Variants in KLHL13 observed in about 807,000 individuals in gnomAD.
The protein encoded by KLHL13 is kelch like family member 13.
Under a neutral mutation model 37.1 loss-of-function variants are expected in KLHL13, and 10 were observed. The observed-to-expected ratio is 0.27, with a 90% CI of 0.17 to 0.46. KLHL13 has a LOEUF of 0.46. KLHL13 is among the 20% of genes least tolerant of loss of function. The pLI, the probability that KLHL13 is intolerant of heterozygous loss-of-function variation, is 1.00. For synonymous variants in KLHL13, 163 were observed against 181.2 expected (o/e 0.90, Z 0.81); for missense variants, 360 against 509.3 (o/e 0.71, Z 2.82).
intron 1 of KLHL13, among the ~76,000 whole-genome samples, chrX:117,955,246 C>T (rs1451866649): frequency 8.9e-6 from 1 of 111,782 alleles, no homozygotes; most frequent in Non-Finnish European, 1.9e-5. Flanking sequence ...AAAATCCTAT[C>T]CTTTCCTGAA....
At chrX:118,094,542 T>C (rs1206066907) in intron 1 of KLHL13, among the ~76,000 whole-genome samples, 1 of 109,330 alleles carries the variant, frequency 9.1e-6, no homozygotes, top group African/African-American at 3.3e-5. Context: ...ACAGAGAACG[T>C]CACAAAGATA....
chrX:118,059,462 G>A (rs1160870170), intron 1 of KLHL13, among the ~76,000 whole-genome samples: 3 of 111,120 alleles, frequency 2.7e-5, no homozygotes, highest in Non-Finnish European at 1.9e-5. Context: ...TGCTATCAAC[G>A]TATAAGGGAG....
At chrX:117,973,064 A>C in exon 1 of KLHL13, 2 of 1,023,978 alleles carry the variant, frequency 2.0e-6, no homozygotes, top group Non-Finnish European at 2.5e-6. Flanking sequence ...CAACTCAACA[A>C]TAGTGCCAGA....
chrX:117,959,785 T>C (rs2053260839), intron 1 of KLHL13, among the ~76,000 whole-genome samples: 1 of 111,767 alleles, frequency 8.9e-6, no homozygotes, highest in Non-Finnish European at 1.9e-5. Flanking sequence ...TGAAAAGCTC[T>C]ATATTTTTGA....
At chrX:118,048,912 T>C (rs1272064027) in intron 1 of KLHL13, among the ~76,000 whole-genome samples, 4 of 112,005 alleles carry the variant, frequency 3.6e-5, no homozygotes, top group Non-Finnish European at 7.5e-5. Flanking sequence ...CTGCTTATGA[T>C]AGTTGAGATA....
rs7471121 is a variant in KLHL13, at chrX:118,089,620, G to A, written c.-56+26888C>T. Among the ~76,000 whole-genome samples, 97 of 71,908 alleles carry A rather than the reference G, an allele frequency of 1.3e-3. 1 individual carries two copies. The highest frequency in any genetic ancestry group is 3.2e-3 in the African/African-American group (56 of 17,290). 62.4% of individuals were successfully genotyped at this position (71,908 alleles called of 115,157 possible). ...AGAGAGAGAGAGAGAGAGAAAGAAA[G>A]AGAAAGAAAGAAAGAAAGAAAGAAA... On this transcript the variant is annotated intron_variant, in intron 1 of 6. Coordinates refer to the KLHL13 transcript ENST00000371882.
chrX:118,042,142 C>G (rs1453249738), intron 1 of KLHL13, among the ~76,000 whole-genome samples: 3 of 111,622 alleles, frequency 2.7e-5, no homozygotes, highest in Non-Finnish European at 3.8e-5. Context: ...GGGGTCAAGT[C>G]AGCCAGAGGA....
chrX:117,975,551 T>G (rs762973247), upstream of KLHL13, among the ~76,000 whole-genome samples: 3 of 111,587 alleles, frequency 2.7e-5, no homozygotes, highest in Non-Finnish European at 5.7e-5. Context: ...CCACCATGCC[T>G]GGCTAATTTT....
At position 118,104,048 on chromosome X, in the gene KLHL13, T is replaced by TAAAAAAAAAAA. The variant is rs60645250; in HGVS notation, c.-56+12449_-56+12459dup. Among the ~76,000 whole-genome samples, 213 of 42,549 alleles carry TAAAAAAAAAAA rather than the reference T, an allele frequency of 5.0e-3. 13 individuals carry two copies. The highest frequency in any genetic ancestry group is 0.018 in the African/African-American group (205 of 11,168). 36.9% of individuals were successfully genotyped at this position (42,549 alleles called of 115,157 possible). A position where few individuals can be genotyped will look rare whatever the true frequency, so the allele number is the denominator to read the frequency against. On this transcript the variant is annotated intron_variant, in intron 1 of 6. Transcript: ENST00000371882. The stretch of plus-strand genomic sequence containing the variant: ...CAACATACCGAGGCCTCATTTCCAC[T>TAAAAAAAAAAA]AAAAAAAAAAAAAAAAAAAAAAAAA...
intron 1 of KLHL13, among the ~76,000 whole-genome samples, chrX:118,000,962 A>T (rs1031459078): frequency 2.7e-5 from 3 of 112,272 alleles, no homozygotes; most frequent in Non-Finnish European, 5.6e-5. Flanking sequence ...ATAAAGATAC[A>T]GATACAGTCC....
intron 1 of KLHL13, among the ~76,000 whole-genome samples, chrX:117,958,036 G>A (rs1236135734): frequency 9.0e-6 from 1 of 111,486 alleles, no homozygotes; most frequent in African/African-American, 3.3e-5. Context: ...GTCTGTGCCA[G>A]TATCATGGTA....
intron 1 of KLHL13, among the ~76,000 whole-genome samples, chrX:117,987,703 T>G (rs894477435): frequency 1.6e-4 from 18 of 112,373 alleles, no homozygotes; most frequent in African/African-American, 5.5e-4. Context: ...AACTGTTTTA[T>G]GTTAAAATGG....
intron 5 of KLHL13, among the ~76,000 whole-genome samples, chrX:117,909,067 G>C (rs1282332919): frequency 8.9e-6 from 1 of 111,955 alleles, no homozygotes; most frequent in African/African-American, 3.2e-5. Flanking sequence ...TACTGCACAG[G>C]TGAAATATGC....
chrX:117,986,024 T>C (rs1417999863), intron 1 of KLHL13, among the ~76,000 whole-genome samples: 2 of 111,701 alleles, frequency 1.8e-5, no homozygotes, highest in Non-Finnish European at 3.8e-5. Context: ...ATGTATTTAT[T>C]GAATTGGCTA....
At chrX:118,088,062 G>A (rs778027617) in intron 1 of KLHL13, among the ~76,000 whole-genome samples, 1 of 112,037 alleles carries the variant, frequency 8.9e-6, no homozygotes, top group Non-Finnish European at 1.9e-5. Context: ...TGCAAGAGCA[G>A]GGGAAAGCAA....
chrX:118,084,094 C>T (rs765486348), intron 1 of KLHL13, among the ~76,000 whole-genome samples: 10 of 109,226 alleles, frequency 9.2e-5, no homozygotes, highest in Admixed American at 2.0e-4. Flanking sequence ...CCAAGGTAGG[C>T]GGATTGTTTG....
intron 1 of KLHL13, among the ~76,000 whole-genome samples, chrX:118,079,140 G>T (rs1278207688): frequency 9.0e-6 from 1 of 110,596 alleles, no homozygotes; most frequent in East Asian, 2.8e-4. Flanking sequence ...AAATTCAAAA[G>T]AAAAGCACAA....
intron 1 of KLHL13, among the ~76,000 whole-genome samples, chrX:118,031,599 A>G (rs1320005149): frequency 4.1e-5 from 4 of 98,316 alleles, no homozygotes; most frequent in South Asian, 4.3e-4. Context: ...AGTTATATAT[A>G]TATTTAGTTA....
chrX:118,004,263 T>C (rs754277681), intron 1 of KLHL13, among the ~76,000 whole-genome samples: 23 of 112,026 alleles, frequency 2.1e-4, no homozygotes, highest in Non-Finnish European at 3.9e-4. Context: ...AATGTGTATA[T>C]GTATTTATGT....
Sources: gnomAD v4.1 joint callset for allele counts (sites outside exome capture counted in the v4.1 genomes callset) on GRCh38, gnomAD v4.1.1 for gene constraint, MANE v1.5 for transcripts, NCBI Gene and HGNC (gene_info 2026-07-23, HGNC 2026-07-21) for gene names.